Variants in NRG3 observed in about 807,000 individuals in gnomAD.
NRG3 encodes neuregulin 3, also known as pro-neuregulin-3, membrane-bound isoform.
NRG3 carries 31 observed loss-of-function variants against 66.9 expected under a neutral mutation model. That is an observed-to-expected ratio of 0.46 (90% CI 0.35 to 0.63). The LOEUF (loss-of-function observed/expected upper bound fraction) is 0.63, where lower values mean the gene tolerates loss of function less well. Among genes scored for constraint, NRG3 ranks in the 20% least tolerant of loss-of-function variants. The pLI is 0.00. For missense variants in NRG3, 910 were observed against 878.9 expected, an observed-to-expected ratio of 1.04 and a Z score of -0.45; for synonymous variants, 393 against 359.4, an observed-to-expected ratio of 1.09 and a Z score of -1.06.
At chr10:82,664,788 C>T (rs1446967761) in intron 2 of NRG3, among the ~76,000 whole-genome samples, 5 of 151,960 alleles carry the variant, frequency 3.3e-5, no homozygotes, top group East Asian at 3.9e-4. Context: ...GCACTCCCAC[C>T]GTCCAGCTTT....
At chr10:82,761,132 A>C (rs908026458) in intron 3 of NRG3, among the ~76,000 whole-genome samples, 5 of 151,982 alleles carry the variant, frequency 3.3e-5, no homozygotes, top group Non-Finnish European at 5.9e-5. Context: ...AAAATATAGA[A>C]TATTTTATGA....
chr10:82,713,727 G>A (rs1024227008), intron 2 of NRG3, among the ~76,000 whole-genome samples: 9 of 152,170 alleles, frequency 5.9e-5, no homozygotes, highest in Non-Finnish European at 8.8e-5. Flanking sequence ...ACCTCCTTGT[G>A]AAAAACATAA....
chr10:82,050,066 G>A (rs2063518832), intron 1 of NRG3, among the ~76,000 whole-genome samples: 1 of 151,970 alleles, frequency 6.6e-6, no homozygotes, highest in Admixed American at 6.6e-5. Flanking sequence ...TGAAACTTCA[G>A]TTCTGAACAG....
At chr10:82,362,597 C>T (rs991077574) in intron 2 of NRG3, among the ~76,000 whole-genome samples, 15 of 143,478 alleles carry the variant, frequency 1.0e-4, no homozygotes, top group Non-Finnish European at 2.2e-4. Context: ...ACTAGGTTGC[C>T]CAGGCTGGTC....
chr10:82,478,860 ATAAT>A (rs1257141341), intron 2 of NRG3, among the ~76,000 whole-genome samples: 1 of 152,248 alleles, frequency 6.6e-6, no homozygotes, highest in Non-Finnish European at 1.5e-5. Flanking sequence ...TATTTAGGAA[ATAAT>A]TGATTGGGCG....
At position 82,424,378 on chromosome 10, in the gene NRG3, G is replaced by C. The variant is rs1441966948; in HGVS notation, c.953+65510G>C. Among the ~76,000 whole-genome samples, 3 of 152,008 alleles carry C rather than the reference G, an allele frequency of 2.0e-5. No individual in the cohort carries two copies. In the East Asian group the frequency reaches 5.8e-4, roughly 29 times the overall value. ...TGAAGTGGCACCTCATTGAGGTTTT[G>C]ATGTGCATTTCTTGATGAATGATAA... is the stretch of plus-strand genomic sequence containing the variant. On this transcript the variant is annotated intron_variant, in intron 2 of 8. Coordinates refer to ENST00000372141, the MANE Select transcript of NRG3 (RefSeq NM_001010848.4).
intron 1 of NRG3, among the ~76,000 whole-genome samples, chr10:82,312,520 G>A (rs1241980184): frequency 4.6e-5 from 7 of 152,282 alleles, no homozygotes; most frequent in Admixed American, 2.6e-4. Flanking sequence ...AGCTCCTGCC[G>A]TGAAAGTTTG....
intron 2 of NRG3, among the ~76,000 whole-genome samples, chr10:82,488,740 G>T (rs555958167): frequency 2.6e-5 from 4 of 152,120 alleles, no homozygotes; most frequent in Non-Finnish European, 5.9e-5. Flanking sequence ...GGCATGACCA[G>T]TTGGGTCTTG....
intron 6 of NRG3, among the ~76,000 whole-genome samples, chr10:82,972,154 T>G (rs1055829126): frequency 6.6e-6 from 1 of 152,182 alleles, no homozygotes; most frequent in East Asian, 1.9e-4. Flanking sequence ...TTTGTTGAAT[T>G]AATATTAGTT....
At chr10:82,488,870 T>A (rs1417094071) in intron 2 of NRG3, among the ~76,000 whole-genome samples, 1 of 152,166 alleles carries the variant, frequency 6.6e-6, no homozygotes, top group Non-Finnish European at 1.5e-5. Flanking sequence ...GGAAAAAAAA[T>A]GTTTGGATTA....
chr10:81,981,476 TGGGTCCACCG>T lies in NRG3; in HGVS notation c.823+105316_823+105325del, dbSNP rs1337541168. On this transcript the variant is annotated intron_variant, in intron 1 of 8. Transcript: ENST00000372141. ...CCACTGGGGTGGTGGCTCTGCTTTG[TGGGTCCACCG>T]GGACAGCAATGTTGCCTTAGCCCTG... 2.0e-5 allele frequency among the ~76,000 whole-genome samples: 3 copies of T among 152,234 alleles called. No individual in the cohort carries two copies. The East Asian group carries it at 5.8e-4, about 29-fold the overall frequency.
chr10:82,396,861 G>C (rs1291982101), intron 2 of NRG3, among the ~76,000 whole-genome samples: 1 of 152,002 alleles, frequency 6.6e-6, no homozygotes, highest in East Asian at 1.9e-4. Context: ...TTCCTATAAA[G>C]GTAATAGCAA....
chr10:82,173,737 A>G (rs921152478), intron 1 of NRG3, among the ~76,000 whole-genome samples: 5 of 151,760 alleles, frequency 3.3e-5, no homozygotes, highest in African/African-American at 4.8e-5. Context: ...ACAAGGCCAG[A>G]CAAGAACACA....
chr10:82,692,211 T>C (rs2249968), intron 2 of NRG3, among the ~76,000 whole-genome samples: 140,923 of 150,474 alleles, frequency 0.94, 66,088 homozygotes, highest in East Asian at 1. Flanking sequence ...TGAGATTGCA[T>C]CACTCACTCC....
chr10:82,451,981 A>G (rs1313942503), intron 2 of NRG3, among the ~76,000 whole-genome samples: 1 of 152,206 alleles, frequency 6.6e-6, no homozygotes, highest in African/African-American at 2.4e-5. Context: ...ATGGAAAGTC[A>G]TAGTGGTTAA....
intron 4 of NRG3, among the ~76,000 whole-genome samples, chr10:82,926,646 G>C (rs185419845): frequency 1.8e-4 from 28 of 152,170 alleles, no homozygotes; most frequent in African/African-American, 6.3e-4. Flanking sequence ...TTCATTCTCT[G>C]TGTGTTAAGC....
chr10:82,508,165 C>A (rs779130208), intron 2 of NRG3, among the ~76,000 whole-genome samples: 14 of 152,212 alleles, frequency 9.2e-5, no homozygotes, highest in Middle Eastern at 3.4e-3. Flanking sequence ...CTATTCATTC[C>A]AATAGAGACG....
At chr10:82,401,129 A>G (rs558132737) in intron 2 of NRG3, among the ~76,000 whole-genome samples, 1 of 152,294 alleles carries the variant, frequency 6.6e-6, no homozygotes, top group Non-Finnish European at 1.5e-5. Context: ...GAGTAATTCC[A>G]AATGGATAAA....
intron 1 of NRG3, among the ~76,000 whole-genome samples, chr10:82,345,976 C>T (rs61864210): frequency 7.9e-5 from 12 of 152,042 alleles, no homozygotes; most frequent in African/African-American, 2.2e-4. Context: ...TGAGACAATG[C>T]GGTTTTCTAG....
Sources: allele counts gnomAD v4.1 joint callset (sites outside exome capture counted in the v4.1 genomes callset), GRCh38; gene constraint gnomAD v4.1.1; transcripts MANE v1.5; gene names NCBI Gene and HGNC (gene_info 2026-07-23, HGNC 2026-07-21).